The following HS3ST4 variants were observed in gnomAD, a reference collection of about 807,000 sequenced individuals.
The protein encoded by HS3ST4 is heparan sulfate glucosamine 3-O-sulfotransferase 4.
Under a neutral mutation model 29.2 loss-of-function variants are expected in HS3ST4, and 17 were observed. That is an observed-to-expected ratio of 0.58 (90% CI 0.40 to 0.87). The LOEUF is 0.87. Among genes scored for constraint, HS3ST4 ranks in the 40% least tolerant of loss-of-function variants. HS3ST4 has a pLI of 0.00. For missense variants in HS3ST4, 627 were observed against 634.5 expected, an observed-to-expected ratio of 0.99 and a Z score of 0.13; for synonymous variants, 314 against 285.7, an observed-to-expected ratio of 1.10 and a Z score of -1.00.
chr16:25,719,323 A>G lies in HS3ST4; in HGVS notation c.734+26172A>G, dbSNP rs1435369123. On this transcript the variant is annotated intron_variant, in intron 1 of 1. Transcript: ENST00000331351. ...ACGAGATGCCAGGGAGATGGTAAAT[A>G]ATAAGGCACTTTTATCCTTGTGAAA... Among the ~76,000 whole-genome samples, 2 of 152,250 alleles carry G rather than the reference A, an allele frequency of 1.3e-5. 1 individual carries two copies.
At chr16:26,089,670 C>G (rs1898830671) in intron 1 of HS3ST4, among the ~76,000 whole-genome samples, 1 of 152,226 alleles carries the variant, frequency 6.6e-6, no homozygotes, top group South Asian at 2.1e-4. Context: ...TGTTTAGACC[C>G]TGGACCTACC....
chr16:25,710,390 G>A (rs558711832), intron 1 of HS3ST4, among the ~76,000 whole-genome samples: 8 of 152,274 alleles, frequency 5.3e-5, no homozygotes, highest in African/African-American at 9.6e-5. Flanking sequence ...AAGCCCCAGG[G>A]TCATTGATTA....
chr16:25,999,209 C>A (rs1969183448), intron 1 of HS3ST4, among the ~76,000 whole-genome samples: 1 of 152,106 alleles, frequency 6.6e-6, no homozygotes, highest in Admixed American at 6.6e-5. Flanking sequence ...AGGTTGTACA[C>A]TAATTCTAAA....
At chr16:26,116,798 T>C (rs1313989692) in intron 1 of HS3ST4, among the ~76,000 whole-genome samples, 1 of 152,198 alleles carries the variant, frequency 6.6e-6, no homozygotes, top group Non-Finnish European at 1.5e-5. Flanking sequence ...ATCCAAAAAT[T>C]CAAAATCTGT....
chr16:25,812,313 T>C (rs1271499191), intron 1 of HS3ST4, among the ~76,000 whole-genome samples: 2 of 152,116 alleles, frequency 1.3e-5, no homozygotes, highest in African/African-American at 4.8e-5. Flanking sequence ...ACGTCCCAGC[T>C]CACACCACAT....
intron 1 of HS3ST4, among the ~76,000 whole-genome samples, chr16:25,817,210 G>A (rs1190125571): frequency 6.6e-6 from 1 of 152,218 alleles, no homozygotes; most frequent in Non-Finnish European, 1.5e-5. Flanking sequence ...CAATGGGGCT[G>A]TTGATAGAGT....
At chr16:25,879,694 A>G (rs888490245) in intron 1 of HS3ST4, among the ~76,000 whole-genome samples, 6 of 152,162 alleles carry the variant, frequency 3.9e-5, no homozygotes, top group Admixed American at 1.3e-4. Flanking sequence ...AGATGAGGAA[A>G]CTGAACCTAA....
At chr16:25,789,818 A>G (rs1359925082) in intron 1 of HS3ST4, among the ~76,000 whole-genome samples, 1 of 152,142 alleles carries the variant, frequency 6.6e-6, no homozygotes, top group East Asian at 1.9e-4. Flanking sequence ...AACTTCATAT[A>G]TATGGAATAG....
chr16:25,845,179 C>T (rs1003535231), intron 1 of HS3ST4, among the ~76,000 whole-genome samples: 2 of 152,062 alleles, frequency 1.3e-5, no homozygotes, highest in African/African-American at 4.8e-5. Context: ...CAAACCTGCA[C>T]ATGTACCCTG....
intron 1 of HS3ST4, among the ~76,000 whole-genome samples, chr16:25,863,510 T>C (rs1192675885): frequency 6.6e-6 from 1 of 152,248 alleles, no homozygotes; most frequent in Non-Finnish European, 1.5e-5. Context: ...TTCTTGGGTC[T>C]TGTGTATTAT....
At chr16:25,830,050 C>T (rs1395628831) in intron 1 of HS3ST4, among the ~76,000 whole-genome samples, 1 of 152,068 alleles carries the variant, frequency 6.6e-6, no homozygotes, top group Non-Finnish European at 1.5e-5. Context: ...GTGTCGAGCT[C>T]CTGAGTTCAG....
At chr16:25,882,549 C>T (rs1480971243) in intron 1 of HS3ST4, among the ~76,000 whole-genome samples, 1 of 152,110 alleles carries the variant, frequency 6.6e-6, no homozygotes, top group African/African-American at 2.4e-5. Flanking sequence ...ATAATGAAGG[C>T]ATGTTTTAGT....
intron 1 of HS3ST4, among the ~76,000 whole-genome samples, chr16:25,914,182 GGT>G (rs1472608855): frequency 1.4e-5 from 2 of 144,548 alleles, no homozygotes; most frequent in African/African-American, 2.6e-5. Flanking sequence ...TGGAGGGTAT[GGT>G]GTGTGTGTGG....
At chr16:25,884,288 G>T (rs1256135509) in intron 1 of HS3ST4, among the ~76,000 whole-genome samples, 1 of 152,160 alleles carries the variant, frequency 6.6e-6, no homozygotes, top group African/African-American at 2.4e-5. Context: ...TACCAGGGAT[G>T]CCTTTCCCTC....
At chr16:25,826,944 C>T (rs1467676789) in intron 1 of HS3ST4, among the ~76,000 whole-genome samples, 1 of 152,006 alleles carries the variant, frequency 6.6e-6, no homozygotes, top group Admixed American at 6.6e-5. Flanking sequence ...AGCTGCAGTC[C>T]TCGGTGTGCC....
chr16:26,087,802 A>T (rs1021955945), intron 1 of HS3ST4, among the ~76,000 whole-genome samples: 1 of 152,088 alleles, frequency 6.6e-6, no homozygotes. Context: ...GTGCCCAAAA[A>T]GTTTTGGATT....
intron 1 of HS3ST4, among the ~76,000 whole-genome samples, chr16:26,119,763 C>T (rs935917880): frequency 6.6e-6 from 1 of 152,174 alleles, no homozygotes; most frequent in Non-Finnish European, 1.5e-5. Flanking sequence ...TCATGCCAGG[C>T]ACTATGTGGC....
intron 1 of HS3ST4, among the ~76,000 whole-genome samples, chr16:25,865,007 CACAT>C (rs1967680229): frequency 1.3e-5 from 2 of 151,104 alleles, no homozygotes; most frequent in Non-Finnish European, 3.0e-5. Flanking sequence ...CACACAAACA[CACAT>C]ATGTGTATAC....
chr16:26,101,613 A>G (rs1053638734), intron 1 of HS3ST4, among the ~76,000 whole-genome samples: 1 of 152,240 alleles, frequency 6.6e-6, no homozygotes, highest in Non-Finnish European at 1.5e-5. Context: ...CTTCTTTTCC[A>G]TAGGATTCCT....
Sources: gnomAD v4.1 joint callset for allele counts (sites outside exome capture counted in the v4.1 genomes callset) on GRCh38, gnomAD v4.1.1 for gene constraint, MANE v1.5 for transcripts, NCBI Gene and HGNC (gene_info 2026-07-23, HGNC 2026-07-21) for gene names.